The following SYT1 variants were observed in gnomAD, a reference collection of about 807,000 sequenced individuals.
SYT1 encodes the protein synaptotagmin 1, also known as synaptotagmin-1.
A neutral mutation model predicts 44.8 loss-of-function variants in SYT1; 8 were observed. That is an observed-to-expected ratio of 0.18 (90% CI 0.10 to 0.32). The LOEUF is 0.32. Among genes scored for constraint, SYT1 ranks in the 10% least tolerant of loss-of-function variants. The pLI is 1.00. For synonymous variants in SYT1, 154 were observed against 188.8 expected (o/e 0.82, Z 1.51); for missense variants, 286 against 509.3 (o/e 0.56, Z 4.22).
chr12:78,879,294 T>G (rs1166394114), intron 1 of SYT1, among the ~76,000 whole-genome samples: 3 of 151,724 alleles, frequency 2.0e-5, no homozygotes, highest in Non-Finnish European at 2.9e-5. Flanking sequence ...AAAGCATCTC[T>G]TTTTAAAAAT....
intron 1 of SYT1, among the ~76,000 whole-genome samples, chr12:78,896,438 G>T (rs1055759997): frequency 1.3e-4 from 19 of 151,424 alleles, no homozygotes; most frequent in African/African-American, 4.6e-4. Context: ...GAGAAAATGT[G>T]GTCAAAAAAC....
chr12:79,446,035 T>A (rs1416136327), intron 10 of SYT1, among the ~76,000 whole-genome samples: 13 of 73,502 alleles, frequency 1.8e-4, no homozygotes, highest in East Asian at 1.6e-3. Context: ...ATATATATAT[T>A]ATGCCTAGGT....
chr12:79,416,248 A>C (rs916281400), intron 9 of SYT1, among the ~76,000 whole-genome samples: 1 of 152,234 alleles, frequency 6.6e-6, no homozygotes, highest in African/African-American at 2.4e-5. Context: ...AAACGGTGTC[A>C]CAGTCACATG....
rs1301802274 is a variant in SYT1, at chr12:79,288,467, A to T, written c.351+2496A>T. ...TCTATATACAAGATATAAAGGCTCT[A>T]GGACAATCAATACATTTTTACCATT... is the stretch of plus-strand genomic sequence containing the variant. On this transcript the variant is annotated intron_variant, in intron 5 of 10. Transcript: ENST00000261205. 2.6e-5 allele frequency among the ~76,000 whole-genome samples: 4 copies of T among 152,258 alleles called. No individual in the cohort carries two copies. In the East Asian group the frequency reaches 7.7e-4, roughly 29 times the overall value.
intron 10 of SYT1, 23 bp downstream of exon 10, chr12:79,444,229 C>G (rs749095307): frequency 6.2e-7 from 1 of 1,611,448 alleles, no homozygotes; most frequent in Non-Finnish European, 8.5e-7. Flanking sequence ...ATAACTTTGT[C>G]TTCCCACTCA....
At chr12:79,105,099 A>T (rs528351843) in intron 3 of SYT1, among the ~76,000 whole-genome samples, 1 of 152,350 alleles carries the variant, frequency 6.6e-6, no homozygotes, top group East Asian at 1.9e-4. Flanking sequence ...TTCAAAACAC[A>T]TAGAGCACAA....
chr12:79,165,428 A>G (rs1373499688), intron 3 of SYT1, among the ~76,000 whole-genome samples: 2 of 151,980 alleles, frequency 1.3e-5, no homozygotes, highest in Non-Finnish European at 2.9e-5. Context: ...GGTTTTGTTC[A>G]CTAAATGTAT....
chr12:79,361,022 T>G (rs1883296883), intron 9 of SYT1, among the ~76,000 whole-genome samples: 1 of 152,138 alleles, frequency 6.6e-6, no homozygotes, highest in South Asian at 2.1e-4. Context: ...ATGTATTTGT[T>G]CAGAAGAGTT....
intron 2 of SYT1, among the ~76,000 whole-genome samples, chr12:78,991,382 C>G (rs1287222308): frequency 6.6e-6 from 1 of 151,956 alleles, no homozygotes. Flanking sequence ...GAAGTTTTTT[C>G]TTAGAAAATT....
At chr12:79,294,592 T>C (rs1879789698) in intron 6 of SYT1, among the ~76,000 whole-genome samples, 1 of 152,110 alleles carries the variant, frequency 6.6e-6, no homozygotes, top group Non-Finnish European at 1.5e-5. Flanking sequence ...ATCCAAAAAC[T>C]CTAAATTATA....
intron 2 of SYT1, among the ~76,000 whole-genome samples, chr12:78,984,511 A>C (rs1869505927): frequency 6.6e-6 from 1 of 151,954 alleles, no homozygotes; most frequent in African/African-American, 2.4e-5. Context: ...TGAGGATTTA[A>C]TATCCAGAAT....
intron 9 of SYT1, among the ~76,000 whole-genome samples, chr12:79,422,880 G>A (rs922165657): frequency 4.6e-5 from 7 of 152,024 alleles, no homozygotes; most frequent in Non-Finnish European, 7.4e-5. Flanking sequence ...CAAATGAGAC[G>A]ATTCCCCTTT....
chr12:79,219,966 A>G (rs878943632), intron 4 of SYT1, among the ~76,000 whole-genome samples: 6 of 151,982 alleles, frequency 3.9e-5, no homozygotes, highest in Admixed American at 3.9e-4. Flanking sequence ...GTTTGGAAGT[A>G]TTCCTTCTTC....
At chr12:79,140,140 G>A (rs1046891673) in intron 3 of SYT1, among the ~76,000 whole-genome samples, 1 of 152,148 alleles carries the variant, frequency 6.6e-6, no homozygotes, top group Non-Finnish European at 1.5e-5. Flanking sequence ...TGAAAATATA[G>A]CCAAGTTCTT....
chr12:78,998,644 C>A (rs537957441), intron 2 of SYT1, among the ~76,000 whole-genome samples: 1 of 152,148 alleles, frequency 6.6e-6, no homozygotes, highest in African/African-American at 2.4e-5. Context: ...TGGGGACTCT[C>A]AAGTTAGATT....
intron 8 of SYT1, among the ~76,000 whole-genome samples, chr12:79,353,102 C>A (rs530449699): frequency 6.6e-6 from 1 of 151,982 alleles, no homozygotes; most frequent in African/African-American, 2.4e-5. Context: ...AAATTTAGGT[C>A]GATTGATTCA....
rs111554506 is a variant in SYT1, at chr12:78,928,770, T to C, written c.-216-49029T>C. On this transcript the variant is annotated intron_variant, in intron 1 of 10. Transcript: ENST00000261205. The stretch of plus-strand genomic sequence containing the variant: ...CAGGATGGCATGAGATTTCATCAGC[T>C]ACTCAGAATGATGTGCAACTGAAAA... 2.4e-4 allele frequency among the ~76,000 whole-genome samples: 36 copies of C among 152,288 alleles called. No individual in the cohort carries two copies. The South Asian group carries it at 6.4e-3, about 27-fold the overall frequency.
At chr12:79,205,864 A>T (rs1874089205) in intron 3 of SYT1, among the ~76,000 whole-genome samples, 1 of 152,186 alleles carries the variant, frequency 6.6e-6, no homozygotes, top group African/African-American at 2.4e-5. Context: ...TGAGAACGAG[A>T]AACACAGTTT....
intron 4 of SYT1, among the ~76,000 whole-genome samples, chr12:79,243,419 T>C (rs1876631790): frequency 6.6e-6 from 1 of 152,190 alleles, no homozygotes; most frequent in Non-Finnish European, 1.5e-5. Flanking sequence ...TAAATTAAGA[T>C]AAGAATATTT....
Sources: gnomAD v4.1 joint callset for allele counts (sites outside exome capture counted in the v4.1 genomes callset) on GRCh38, gnomAD v4.1.1 for gene constraint, MANE v1.5 for transcripts, NCBI Gene and HGNC (gene_info 2026-07-23, HGNC 2026-07-21) for gene names.